Variants in ADARB1 observed in about 807,000 individuals in gnomAD.
ADARB1 encodes the protein adenosine deaminase RNA specific B1.
In ADARB1, 10 loss-of-function variants were observed where a neutral mutation model predicts 52.4. That is an observed-to-expected ratio of 0.19 (90% CI 0.12 to 0.32). ADARB1 has a LOEUF of 0.32. ADARB1 is among the 10% of genes least tolerant of loss of function. ADARB1 has a pLI of 1.00. For missense variants in ADARB1, 643 were observed against 922.3 expected (o/e 0.70, Z 3.92); for synonymous variants, 349 against 371.1 (o/e 0.94, Z 0.68).
In ADARB1 at chr21:45,225,873, C is replaced by T. The variant is rs1020193446; in HGVS notation, c.*3676C>T. The T allele has an allele frequency of 5.1e-5, 15 of 292,682 alleles. No homozygotes were observed. The Admixed American group carries it at 5.7e-4, about 11-fold the overall frequency. 18.1% of individuals were successfully genotyped at this position (292,682 alleles called of 1,614,324 possible). A position where few individuals can be genotyped will look rare whatever the true frequency, so the allele number is the denominator to read the frequency against. On this transcript the variant is annotated 3_prime_UTR_variant, in exon 11 of 11. Coordinates refer to ENST00000348831, the MANE Select transcript of ADARB1 (RefSeq NM_001112.4). ...GTCCAGTTTACAGCGTCTCTGCCCC[C>T]TAGCGTGTTTTGTGACAATCTCCCT...
At chr21:45,134,732 A>C (rs1187963510) in intron 2 of ADARB1, 1 of 522,530 alleles carries the variant, frequency 1.9e-6, no homozygotes, top group East Asian at 5.6e-5. Flanking sequence ...TGAAATGGCC[A>C]ATGAGCACAC....
At chr21:45,103,091 A>G (rs1250971039) in intron 1 of ADARB1, among the ~76,000 whole-genome samples, 1 of 152,240 alleles carries the variant, frequency 6.6e-6, no homozygotes, top group African/African-American at 2.4e-5. Flanking sequence ...AGCTTCCTCA[A>G]CAGTCAAAAA....
chr21:45,193,129 A>G (rs1185223746), intron 8 of ADARB1, among the ~76,000 whole-genome samples: 4 of 152,230 alleles, frequency 2.6e-5, no homozygotes, highest in Non-Finnish European at 5.9e-5. Flanking sequence ...AGATGAAGAC[A>G]CCACAAGAAA....
In ADARB1 at chr21:45,128,738, T is replaced by C. The variant is rs1336687677; in HGVS notation, c.-48+165T>C. Among the ~76,000 whole-genome samples, 1 of 152,272 alleles carries C rather than the reference T, an allele frequency of 6.6e-6. No homozygotes were observed. The highest frequency in any genetic ancestry group is 6.5e-5 in the Admixed American group (1 of 15,288). On this transcript the variant is annotated intron_variant, in intron 2 of 10. Transcript: ENST00000348831. The surrounding 1 kb of genome is among the most constrained non-coding windows in gnomAD (Gnocchi z 4.6). ...ACTGTTGGTTGATTTCTAATCTTAC[T>C]GCAGCCTTAGCTCACCCATGAGTCC...
At chr21:45,081,023 T>C (rs1317367256) in intron 1 of ADARB1, among the ~76,000 whole-genome samples, 2 of 152,210 alleles carry the variant, frequency 1.3e-5, no homozygotes, top group Non-Finnish European at 2.9e-5. Flanking sequence ...ACACCCATCT[T>C]CTCAGTAGTT....
At chr21:45,171,710 A>T in intron 3 of ADARB1, 26 bp downstream of exon 3, 1 of 1,585,386 alleles carries the variant, frequency 6.3e-7, no homozygotes, top group South Asian at 1.2e-5. Flanking sequence ...ATCACGTAGT[A>T]TCAGATAGCT....
chr21:45,122,459 T>C (rs2838788), intron 1 of ADARB1, among the ~76,000 whole-genome samples: 57,114 of 152,050 alleles, frequency 0.38, 10,840 homozygotes, highest in Non-Finnish European at 0.39. Context: ...TGTTAGGAGA[T>C]AGTGGGGTAT....
intron 1 of ADARB1, among the ~76,000 whole-genome samples, chr21:45,104,042 A>G (rs1034720885): frequency 6.6e-5 from 10 of 152,126 alleles, no homozygotes; most frequent in Non-Finnish European, 1.3e-4. Flanking sequence ...TTGATCTCCA[A>G]GGGGTTCACT....
At chr21:45,075,029 G>A (rs1378371262) in intron 1 of ADARB1, among the ~76,000 whole-genome samples, 1 of 148,748 alleles carries the variant, frequency 6.7e-6, no homozygotes, top group Non-Finnish European at 1.5e-5. Context: ...GCGCCCGGGC[G>A]GCCCCGCGTC....
chr21:45,103,772 C>G (rs1443769729), intron 1 of ADARB1, among the ~76,000 whole-genome samples: 1 of 152,166 alleles, frequency 6.6e-6, no homozygotes, highest in African/African-American at 2.4e-5. Flanking sequence ...TCTGTCACAT[C>G]TGCTCAATTT....
rs1569192996 is a variant in ADARB1 at position 45,223,234 on chromosome 21, T to C, written c.*1037T>C. ...TGGAAAATGCCATAGTTTTAAATTA[T>C]TGTTTCCAGCTTTATCAAAGACATG... On this transcript the variant is annotated 3_prime_UTR_variant, in exon 11 of 11. Transcript: ENST00000348831. The C allele has an allele frequency of 2.0e-6, 2 of 985,472 alleles. No homozygotes were observed. Among genetic ancestry groups the C allele is most frequent in the Non-Finnish European group, 1.2e-6 (1 of 829,936 alleles). 61.0% of individuals were successfully genotyped at this position (985,472 alleles called of 1,614,324 possible). A position where few individuals can be genotyped will look rare whatever the true frequency, so the allele number is the denominator to read the frequency against.
At chr21:45,140,808 A>G (rs1393042703) in intron 2 of ADARB1, among the ~76,000 whole-genome samples, 3 of 152,202 alleles carry the variant, frequency 2.0e-5, no homozygotes, top group African/African-American at 7.2e-5. Flanking sequence ...AATTTTATCA[A>G]GTAATTTATA....
chr21:45,194,231 C>G (rs983255050), intron 8 of ADARB1, among the ~76,000 whole-genome samples: 8 of 152,200 alleles, frequency 5.3e-5, no homozygotes, highest in Admixed American at 3.3e-4. Flanking sequence ...GCCTCCCCAT[C>G]ATCAGCATCT....
intron 4 of ADARB1, chr21:45,177,668 C>T (rs1388949936): frequency 6.6e-6 from 1 of 152,106 alleles, no homozygotes; most frequent in African/African-American, 2.4e-5. Context: ...TACCCTTGAC[C>T]ACAAGACTTG....
intron 2 of ADARB1, among the ~76,000 whole-genome samples, chr21:45,169,997 C>G (rs571181719): frequency 2.0e-5 from 3 of 152,342 alleles, no homozygotes; most frequent in Non-Finnish European, 4.4e-5. Context: ...GTGCCTACAT[C>G]TCACCTCCCA....
chr21:45,180,715 A>G (rs1243377834), intron 5 of ADARB1, among the ~76,000 whole-genome samples: 1 of 152,186 alleles, frequency 6.6e-6, no homozygotes, highest in Admixed American at 6.5e-5. Flanking sequence ...GAATGGCCTC[A>G]ATCTGCTCTG....
intron 1 of ADARB1, among the ~76,000 whole-genome samples, chr21:45,075,515 G>A (rs1197441784): frequency 1.3e-5 from 2 of 152,252 alleles, no homozygotes; most frequent in African/African-American, 4.8e-5. Flanking sequence ...GGGCGGCCCG[G>A]GCCAGGGAAG....
intron 2 of ADARB1, among the ~76,000 whole-genome samples, chr21:45,169,030 C>A (rs1387515935): frequency 6.6e-6 from 1 of 152,232 alleles, no homozygotes; most frequent in Non-Finnish European, 1.5e-5. Context: ...AAGTTCCCCA[C>A]TGGGGCTCCC....
intron 2 of ADARB1, among the ~76,000 whole-genome samples, chr21:45,166,545 C>G (rs2091261958): frequency 6.6e-6 from 1 of 152,156 alleles, no homozygotes; most frequent in Non-Finnish European, 1.5e-5. Flanking sequence ...TCACATTGAC[C>G]CTCTTTGTCC....
Sources: gnomAD v4.1 joint callset for allele counts (sites outside exome capture counted in the v4.1 genomes callset) on GRCh38, gnomAD v4.1.1 for gene constraint, Gnocchi (gnomAD v3.1) non-coding constraint, MANE v1.5 for transcripts, NCBI Gene and HGNC (gene_info 2026-07-23, HGNC 2026-07-21) for gene names.